The following CFAP70 variants were observed in gnomAD, a reference collection of about 807,000 sequenced individuals.
The protein encoded by CFAP70 is cilia- and flagella-associated protein 70.
Under a neutral mutation model 137.6 loss-of-function variants are expected in CFAP70, and 81 were observed. The ratio of observed to expected loss-of-function variants is 0.59; its 90% CI spans 0.49 to 0.71. The LOEUF (loss-of-function observed/expected upper bound fraction) is 0.71, where lower values mean the gene tolerates loss of function less well. CFAP70 is among the 30% of genes least tolerant of loss of function. CFAP70 has a pLI of 0.00. For synonymous variants in CFAP70, 382 were observed against 423.6 expected (o/e 0.90, Z 1.20); for missense variants, 976 against 1,226.7 (o/e 0.80, Z 3.05).
chr10:73,258,261 T>G (rs778601450), intron 25 of CFAP70, among the ~76,000 whole-genome samples: 4 of 152,242 alleles, frequency 2.6e-5, no homozygotes, highest in Non-Finnish European at 5.9e-5. Flanking sequence ...ACATAAATTG[T>G]GAAGATTTCT....
intron 16 of CFAP70, 101 bp downstream of exon 17, chr10:73,293,162 A>G: frequency 7.6e-7 from 1 of 1,323,292 alleles, no homozygotes; most frequent in Non-Finnish European, 1.0e-6. Context: ...CTATGTGTCT[A>G]CCCTTTCACC....
Position 73,275,675 on chromosome 10 carries a change from GATAATAA to G in CFAP70, c.2521-84_2521-78del. Reference sequence around the variant, plus strand: ...TTTTCGGTTGAAGGATTCTGTCTCTGATAATAAATAATACGAAATGTATTACAGAATG... The same window carrying G: ...TTTTCGGTTGAAGGATTCTGTCTCTGATAATACGAAATGTATTACAGAATG... On this transcript the variant is annotated intron_variant, in intron 21 of 26. Coordinates refer to ENST00000310715, the Ensembl canonical transcript of CFAP70. The surrounding 1 kb of genome is among the most constrained non-coding windows in gnomAD (Gnocchi z 4.0). 6.5e-6 allele frequency: 8 copies of G among 1,231,018 alleles called. No individual in the cohort carries two copies. The highest frequency in any genetic ancestry group is 8.8e-6 in the Non-Finnish European group (8 of 914,268). 76.3% of individuals were successfully genotyped at this position (1,231,018 alleles called of 1,614,324 possible).
At chr10:73,290,608 C>T (rs979494271) in intron 19 of CFAP70, among the ~76,000 whole-genome samples, 3 of 152,092 alleles carry the variant, frequency 2.0e-5, no homozygotes, top group Non-Finnish European at 4.4e-5. Context: ...ATAATACACA[C>T]ATGCAAGGAA....
chr10:73,299,390 T>C (rs952628681), intron 13 of CFAP70, among the ~76,000 whole-genome samples: 1 of 152,024 alleles, frequency 6.6e-6, no homozygotes, highest in African/African-American at 2.4e-5. Context: ...AAATGTAAAA[T>C]GCCCTTTTCT....
intron 12 of CFAP70, among the ~76,000 whole-genome samples, chr10:73,300,484 C>G (rs2048866768): frequency 6.6e-6 from 1 of 151,982 alleles, no homozygotes; most frequent in South Asian, 2.1e-4. Flanking sequence ...AGGTACGAAA[C>G]TGTATAGCAA....
chr10:73,284,770 A>C (rs2047539582), intron 19 of CFAP70, among the ~76,000 whole-genome samples: 4 of 40,134 alleles, frequency 1.0e-4, no homozygotes, highest in African/African-American at 3.6e-4. Context: ...ATATATATAT[A>C]TATATATATA....
intron 25 of CFAP70, among the ~76,000 whole-genome samples, chr10:73,267,696 CATT>C (rs1299397410): frequency 6.6e-6 from 1 of 152,188 alleles, no homozygotes; most frequent in Non-Finnish European, 1.5e-5. Context: ...AGAAGCCTGA[CATT>C]ATTCAACTAG....
chr10:73,358,441 G>A (rs1343052069), intron 1 of CFAP70, among the ~76,000 whole-genome samples: 4 of 152,222 alleles, frequency 2.6e-5, no homozygotes, highest in Non-Finnish European at 4.4e-5. Flanking sequence ...TCTGGTCTGG[G>A]GACAAGCGCA....
At chr10:73,288,405 T>G (rs1473354358) in intron 19 of CFAP70, among the ~76,000 whole-genome samples, 1 of 152,184 alleles carries the variant, frequency 6.6e-6, no homozygotes, top group Non-Finnish European at 1.5e-5. Flanking sequence ...TAAACATTGA[T>G]ATTGATGTGT....
chr10:73,262,832 AT>A (rs2133604516), intron 25 of CFAP70, among the ~76,000 whole-genome samples: 1 of 152,180 alleles, frequency 6.6e-6, no homozygotes, highest in East Asian at 1.9e-4. Flanking sequence ...AAAGTTAAAA[AT>A]ATGTAGAAAA....
chr10:73,260,833 C>T (rs1385009287), intron 25 of CFAP70, among the ~76,000 whole-genome samples: 1 of 152,160 alleles, frequency 6.6e-6, no homozygotes, highest in African/African-American at 2.4e-5. Flanking sequence ...TATAAATATT[C>T]CTCATTTTAT....
chr10:73,312,618 C>T (rs528996210), exon 10 of CFAP70: 12 of 1,592,838 alleles, frequency 7.5e-6, no homozygotes, highest in African/African-American at 4.1e-5. Context: ...GCCAATATCC[C>T]GGAACAAGCT....
At chr10:73,280,420 C>A (rs568254903) in intron 19 of CFAP70, among the ~76,000 whole-genome samples, 13 of 152,092 alleles carry the variant, frequency 8.5e-5, no homozygotes, top group Admixed American at 5.9e-4. Context: ...GTTTTGATAC[C>A]AGGGTGATTA....
intron 3 of CFAP70, among the ~76,000 whole-genome samples, chr10:73,350,807 C>G (rs912377165): frequency 6.6e-6 from 1 of 151,764 alleles, no homozygotes; most frequent in Non-Finnish European, 1.5e-5. Flanking sequence ...GTCACCTGGG[C>G]TGGAAGGCAG....
At chr10:73,352,400 T>G (rs969738308) in intron 3 of CFAP70, among the ~76,000 whole-genome samples, 4 of 152,210 alleles carry the variant, frequency 2.6e-5, no homozygotes, top group African/African-American at 9.6e-5. Flanking sequence ...TGTCTAAAAC[T>G]TTTCTGTCTT....
At chr10:73,318,756 C>A (rs570422949) in intron 9 of CFAP70, among the ~76,000 whole-genome samples, 12 of 152,274 alleles carry the variant, frequency 7.9e-5, no homozygotes, top group Admixed American at 3.9e-4. Context: ...TACACTGTTT[C>A]CCTCAGATTC....
chr10:73,292,119 AG>A, intron 16 of CFAP70, 105 bp from the exon 18 acceptor site: 1 of 1,379,774 alleles, frequency 7.2e-7, no homozygotes, highest in Non-Finnish European at 9.9e-7. Context: ...ATGAAAGCAC[AG>A]ATTGTGACTT....
chr10:73,271,564 T>C (rs2046319011), intron 24 of CFAP70, among the ~76,000 whole-genome samples: 1 of 152,178 alleles, frequency 6.6e-6, no homozygotes, highest in African/African-American at 2.4e-5. Context: ...AATATTTACA[T>C]TTTATACATT....
intron 12 of CFAP70, among the ~76,000 whole-genome samples, chr10:73,303,665 G>A (rs1274937303): frequency 6.6e-6 from 1 of 152,008 alleles, no homozygotes; most frequent in East Asian, 1.9e-4. Flanking sequence ...ATAAACCACA[G>A]TTTTTAAAGT....
Sources: gnomAD v4.1 joint callset for allele counts (sites outside exome capture counted in the v4.1 genomes callset) on GRCh38, gnomAD v4.1.1 for gene constraint, Gnocchi (gnomAD v3.1) non-coding constraint, MANE v1.5 for transcripts, NCBI Gene and HGNC (gene_info 2026-07-23, HGNC 2026-07-21) for gene names.